Variants in VPS8 observed in about 807,000 individuals in gnomAD.
VPS8 encodes vacuolar protein sorting-associated protein 8 homolog.
A neutral mutation model predicts 216.4 loss-of-function variants in VPS8; 129 were observed. The ratio of observed to expected loss-of-function variants is 0.60; its 90% CI spans 0.52 to 0.69. The LOEUF is 0.69. Ranked by LOEUF, VPS8 falls within the 30% of genes least tolerant of loss-of-function variation. The pLI is 0.00. For synonymous variants in VPS8, 571 were observed against 565.4 expected (o/e 1.01, Z -0.14); for missense variants, 1,531 against 1,683.5 (o/e 0.91, Z 1.59).
intron 3 of VPS8, among the ~76,000 whole-genome samples, chr3:184,828,605 C>T (rs1217517868): frequency 1.3e-5 from 2 of 152,148 alleles, no homozygotes; most frequent in Non-Finnish European, 2.9e-5. Flanking sequence ...TCCCCTATTT[C>T]CTTCCATTGA....
intron 47 of VPS8, among the ~76,000 whole-genome samples, chr3:185,051,518 C>G (rs527745565): frequency 6.6e-6 from 1 of 152,210 alleles, no homozygotes; most frequent in Admixed American, 6.5e-5. Context: ...AGGGCGCGTC[C>G]ACAGGGAGAG....
At chr3:184,914,930 A>C in intron 26 of VPS8, 51 bp from the exon 27 acceptor site, 1 of 1,546,178 alleles carries the variant, frequency 6.5e-7, no homozygotes, top group South Asian at 1.1e-5. Flanking sequence ...ACTCGCTTGA[A>C]AGTTATCCCC....
chr3:184,833,044 G>A (rs1314343974), intron 4 of VPS8, among the ~76,000 whole-genome samples: 3 of 152,022 alleles, frequency 2.0e-5, no homozygotes, highest in African/African-American at 7.2e-5. Context: ...TGATAGCCAG[G>A]GACTTCTGGA....
chr3:184,814,581 G>A (rs1715900125), intron 1 of VPS8, among the ~76,000 whole-genome samples: 2 of 152,188 alleles, frequency 1.3e-5, no homozygotes, highest in Admixed American at 1.3e-4. Flanking sequence ...CCAAGTATTT[G>A]TATATCTAAA....
At chr3:184,860,468 TACAC>T (rs59791657) in intron 15 of VPS8, among the ~76,000 whole-genome samples, 34,215 of 147,152 alleles carry the variant, frequency 0.23, 4,225 homozygotes, top group East Asian at 0.52. Flanking sequence ...TACACACACA[TACAC>T]ACACACACAC....
intron 46 of VPS8, among the ~76,000 whole-genome samples, chr3:185,027,040 A>G (rs1012382004): frequency 3.3e-5 from 5 of 151,564 alleles, no homozygotes; most frequent in Non-Finnish European, 7.4e-5. Context: ...TTACTGAGAT[A>G]AACAGTGGAC....
chr3:184,833,313 G>A (rs1720393298), intron 4 of VPS8, among the ~76,000 whole-genome samples: 1 of 152,174 alleles, frequency 6.6e-6, no homozygotes, highest in Non-Finnish European at 1.5e-5. Flanking sequence ...AGTTCTTGGA[G>A]AGACTATGAA....
intron 45 of VPS8, among the ~76,000 whole-genome samples, chr3:185,010,235 CTATTTGCAAG>C (rs1354628757): frequency 6.6e-6 from 1 of 152,142 alleles, no homozygotes; most frequent in East Asian, 1.9e-4. Flanking sequence ...AAAGATAAAA[CTATTTGCAAG>C]TATTTTAACC....
In VPS8 at chr3:184,836,238, C is replaced by T. The variant is rs554428288; in HGVS notation, c.447+1496C>T. 1.8e-4 allele frequency: 84 copies of T among 455,914 alleles called. 2 individuals carry two copies. Among genetic ancestry groups the T allele is most frequent in the South Asian group, 1.0e-3 (66 of 64,314 alleles). The allele number at this position is 455,914 out of a possible 1,614,324, so 28.2% of individuals were successfully genotyped here. On this transcript the variant is annotated intron_variant, in intron 5 of 47. Transcript: ENST00000625842. The stretch of plus-strand genomic sequence containing the variant: ...GAGGAAACCTGGGCAATTGTTCTTC[C>T]TCTTTTAGGTGGAGAGTAACTCATA...
In VPS8 at chr3:184,954,261, TC is replaced by T. The variant is rs1272728115; in HGVS notation, c.3036-3111del. 2.0e-5 allele frequency among the ~76,000 whole-genome samples: 3 copies of T among 152,320 alleles called. No homozygotes were observed. In the East Asian group the frequency reaches 5.8e-4, roughly 29 times the overall value. ...CCAGGACCCTCCACATGTTCAGTGATCCAGAAACTCCCTGAACTTAGTCCTT... is the reference window on the plus strand; with the variant it reads ...CCAGGACCCTCCACATGTTCAGTGATCAGAAACTCCCTGAACTTAGTCCTT... On this transcript the variant is annotated intron_variant, in intron 36 of 47. Transcript: ENST00000625842.
intron 5 of VPS8, chr3:184,836,332 T>A (rs1358811866): frequency 4.4e-6 from 2 of 456,520 alleles, no homozygotes; most frequent in Non-Finnish European, 8.8e-6. Context: ...AATCCTTATG[T>A]AGGTGATGAA....
At chr3:184,858,230 A>G (rs13100979) in intron 14 of VPS8, among the ~76,000 whole-genome samples, 2 of 152,226 alleles carry the variant, frequency 1.3e-5, no homozygotes, top group Non-Finnish European at 2.9e-5. Flanking sequence ...TAGAGTGTGT[A>G]CTTATATACA....
intron 22 of VPS8, among the ~76,000 whole-genome samples, chr3:184,889,576 G>A (rs1489777810): frequency 1.3e-5 from 2 of 151,928 alleles, no homozygotes; most frequent in South Asian, 2.1e-4. Context: ...TCCTGCCTCT[G>A]CTTGGGAGAA....
chr3:184,822,691 G>A lies in VPS8; in HGVS notation c.-88-1854G>A, dbSNP rs533690156. On this transcript the variant is annotated intron_variant, in intron 1 of 47. Transcript: ENST00000625842. ...ATAATTGCAACCCTTTTTGCTTAGT[G>A]GTACAAATAGGAGTTGAAAGACTTT... 2.0e-5 allele frequency among the ~76,000 whole-genome samples: 3 copies of A among 152,254 alleles called. No individual in the cohort carries two copies. In the South Asian group the frequency reaches 6.2e-4, roughly 32 times the overall value.
rs919486647 is a variant in VPS8, at chr3:185,051,904, A to G, written c.4166A>G (p.Asn1389Ser). Reference sequence around the variant, plus strand: ...GCTCTCCTCACGGAACTCTCCCAGAATCGCAGCAGCGAGAGCTATAGGCCA... The same window carrying G: ...GCTCTCCTCACGGAACTCTCCCAGAGTCGCAGCAGCGAGAGCTATAGGCCA... Reference protein sequence around the residue: ...RLALLTELSQNRSSESYRPFS... With the variant: ...RLALLTELSQSRSSESYRPFS... Residue 1389 changes from asparagine to serine, a missense_variant, in exon 48 of 48, where the codon AAT (asparagine) becomes AGT (serine). Transcript: ENST00000625842. 3.1e-6 allele frequency: 5 copies of G among 1,610,626 alleles called. No individual in the cohort carries two copies. The highest frequency in any genetic ancestry group is 4.2e-6 in the Non-Finnish European group (5 of 1,178,254).
chr3:184,843,002 C>G (rs1230071379), intron 7 of VPS8, among the ~76,000 whole-genome samples: 1 of 151,460 alleles, frequency 6.6e-6, no homozygotes, highest in Non-Finnish European at 1.5e-5. Flanking sequence ...CTAACTTAAA[C>G]ATGGATTTAC....
chr3:184,864,885 A>C (rs919963935), intron 16 of VPS8, among the ~76,000 whole-genome samples: 3 of 152,172 alleles, frequency 2.0e-5, no homozygotes, highest in Non-Finnish European at 2.9e-5. Flanking sequence ...ACTAAATCAC[A>C]CCTGACATAA....
chr3:184,852,747 C>T (rs918758393), intron 11 of VPS8, among the ~76,000 whole-genome samples, 180 bp downstream of exon 11: 8 of 152,120 alleles, frequency 5.3e-5, no homozygotes, highest in Non-Finnish European at 7.4e-5. Context: ...GCCTGGTCCT[C>T]CCGAGTTTTA....
chr3:184,898,769 T>C (rs1405879041), intron 24 of VPS8, 115 bp downstream of exon 24: 18 of 845,822 alleles, frequency 2.1e-5, no homozygotes, highest in East Asian at 2.0e-4. Context: ...AAAATTCTTA[T>C]ATATTTATTG....
Sources: gnomAD v4.1 joint callset for allele counts (sites outside exome capture counted in the v4.1 genomes callset) on GRCh38, gnomAD v4.1.1 for gene constraint, MANE v1.5 for transcripts, NCBI Gene and HGNC (gene_info 2026-07-23, HGNC 2026-07-21) for gene names.